Variants in PEX13 observed in about 807,000 individuals in gnomAD.
The protein encoded by PEX13 is peroxisomal biogenesis factor 13.
Under a neutral mutation model 34.5 loss-of-function variants are expected in PEX13, and 28 were observed. That is an observed-to-expected ratio of 0.81 (90% CI 0.60 to 1.11). The LOEUF (loss-of-function observed/expected upper bound fraction) is 1.11, where lower values mean the gene tolerates loss of function less well. Ranked by LOEUF, PEX13 falls within the 50% of genes most tolerant of loss-of-function variation. The pLI is 0.00. For missense variants in PEX13, 550 were observed against 491.0 expected, an observed-to-expected ratio of 1.12 and a Z score of -1.13; for synonymous variants, 177 against 175.1, an observed-to-expected ratio of 1.01 and a Z score of -0.09.
chr2:61,047,926 A>G (rs1680729421), intron 3 of PEX13, among the ~76,000 whole-genome samples: 1 of 152,220 alleles, frequency 6.6e-6, no homozygotes, highest in Admixed American at 6.5e-5. Flanking sequence ...TTTATTTATC[A>G]TATGGCTAGA....
chr2:61,048,354 A>G, intron 3 of PEX13, 118 bp from the exon 4 acceptor site: 1 of 806,774 alleles, frequency 1.2e-6, no homozygotes. Context: ...TGCATGTACT[A>G]TTTGTTATCT....
At chr2:61,040,266 A>C (rs957626277) in intron 2 of PEX13, among the ~76,000 whole-genome samples, 1 of 152,158 alleles carries the variant, frequency 6.6e-6, no homozygotes, top group Non-Finnish European at 1.5e-5. Flanking sequence ...AAATCGTGCT[A>C]CTATAAAGAC....
At chr2:61,036,460 G>A (rs1452521751) in intron 2 of PEX13, among the ~76,000 whole-genome samples, 1 of 152,224 alleles carries the variant, frequency 6.6e-6, no homozygotes, top group Non-Finnish European at 1.5e-5. Flanking sequence ...CCAGAAGACA[G>A]TGGGAGCCAA....
intron 1 of PEX13, among the ~76,000 whole-genome samples, chr2:61,020,199 C>G (rs1485433120): frequency 6.6e-6 from 1 of 152,164 alleles, no homozygotes; most frequent in East Asian, 1.9e-4. Flanking sequence ...GCACTGCAGC[C>G]TGGGCAACAG....
chr2:61,048,562 G>A lies in PEX13; in HGVS notation c.1004G>A (p.Gly335Asp). The change falls in exon 4 of 4, where the codon GGC (glycine) becomes GAC (aspartate). Residue 335 changes from glycine to aspartate, a missense_variant. Coordinates refer to ENST00000295030, the MANE Select transcript of PEX13 (RefSeq NM_002618.4). ...CCTGCGAATTATGTCAAAATTCTTGGCAAAAGAAAAGGTAGGAAAACGGTG... is the reference window on the plus strand; with the variant it reads ...CCTGCGAATTATGTCAAAATTCTTGACAAAAGAAAAGGTAGGAAAACGGTG... ...LIPANYVKIL[G>D]KRKGRKTVES... The A allele has an allele frequency of 6.2e-7, 1 of 1,614,082 alleles. No individual in the cohort carries two copies. Among genetic ancestry groups the A allele is most frequent in the Non-Finnish European group, 8.5e-7 (1 of 1,179,982 alleles).
intron 1 of PEX13, among the ~76,000 whole-genome samples, chr2:61,022,210 G>C (rs987871802): frequency 2.0e-5 from 3 of 152,178 alleles, no homozygotes; most frequent in Admixed American, 1.3e-4. Flanking sequence ...GCTTCAGAAG[G>C]TCGGCAATAA....
chr2:61,019,907 T>G (rs1199893600), intron 1 of PEX13, among the ~76,000 whole-genome samples: 1 of 152,240 alleles, frequency 6.6e-6, no homozygotes, highest in African/African-American at 2.4e-5. Context: ...TAAGTTTTTA[T>G]TCCATGAATA....
At chr2:61,028,420 C>T (rs1484316296) in intron 1 of PEX13, among the ~76,000 whole-genome samples, 4 of 145,208 alleles carry the variant, frequency 2.8e-5, no homozygotes, top group African/African-American at 1.0e-4. Flanking sequence ...AACAGAGTCT[C>T]ACTGTGTCAC....
rs1242626231 is a variant in PEX13 at position 61,048,732 on chromosome 2, G to T, written c.1174G>T (p.Asp392Tyr). The T allele has an allele frequency of 6.2e-7, 1 of 1,613,912 alleles. No individual in the cohort carries two copies. The change falls in exon 4 of 4, where the codon GAT (aspartate) becomes TAT (tyrosine). Residue 392 changes from aspartate (D) to tyrosine (Y), a missense_variant. By Grantham distance (160) the Asp-to-Tyr change is radical. Transcript: ENST00000295030. The stretch of plus-strand genomic sequence containing the variant: ...AACTAATAAGGTTCCAGTTGCACCT[G>T]ATTCCATTGGGAAAGATGGAGAAAA... ...VETNKVPVAP[D>Y]SIGKDGEKQD...
chr2:61,025,658 C>T (rs35156445), intron 1 of PEX13, among the ~76,000 whole-genome samples: 14,818 of 152,094 alleles, frequency 0.097, 1,214 homozygotes, highest in East Asian at 0.42. Context: ...CATGCCCAGC[C>T]AAGCCCGTTT....
At chr2:61,037,292 T>C (rs1680551983) in intron 2 of PEX13, among the ~76,000 whole-genome samples, 1 of 152,206 alleles carries the variant, frequency 6.6e-6, no homozygotes, top group South Asian at 2.1e-4. Flanking sequence ...TACAGAACTC[T>C]ACACCCCAAA....
chr2:61,045,856 T>G lies in PEX13; in HGVS notation c.913+5T>G, dbSNP rs1380556679. On this transcript the variant is annotated splice_donor_5th_base_variant and intron_variant, in intron 3 of 3. Coordinates refer to ENST00000295030, the MANE Select transcript of PEX13 (RefSeq NM_002618.4). ...TGCTGAACTTAGCTCTCAAAGGTAATAAATTATGAATAAGTTGGAATTATC... is the reference window on the plus strand; with the variant it reads ...TGCTGAACTTAGCTCTCAAAGGTAAGAAATTATGAATAAGTTGGAATTATC... 1.2e-5 allele frequency: 20 copies of G among 1,609,318 alleles called. No homozygotes were observed. Among genetic ancestry groups the G allele is most frequent in the Non-Finnish European group, 1.5e-5 (18 of 1,175,662 alleles).
At position 61,031,434 on chromosome 2, in the gene PEX13, T is replaced by A; in HGVS notation, c.108T>A (p.Gly36=). 6.2e-7 allele frequency: 1 copy of A among 1,613,970 alleles called. No individual in the cohort carries two copies. Among genetic ancestry groups the A allele is most frequent in the South Asian group, 1.1e-5 (1 of 91,080 alleles). ...TTGGTTTTAGATCTGCTGATTTGGGTCCTACTTTAATGACAAGACCTGGAC... is the reference window on the plus strand; with the variant it reads ...TTGGTTTTAGATCTGCTGATTTGGGACCTACTTTAATGACAAGACCTGGAC... ...PGPTFQSADL[G]PTLMTRPGQP... is the part of the protein sequence containing the mutation. The change falls in exon 2 of 4, where the codon GGT becomes GGA. Residue 36 remains glycine (G), a synonymous_variant. Coordinates refer to ENST00000295030, the MANE Select transcript of PEX13 (RefSeq NM_002618.4).
At chr2:61,040,428 C>T (rs574300631) in intron 2 of PEX13, among the ~76,000 whole-genome samples, 5 of 152,232 alleles carry the variant, frequency 3.3e-5, no homozygotes, top group African/African-American at 1.2e-4. Flanking sequence ...GAGTTCATGT[C>T]CTTTGCAGGG....
At chr2:61,018,319 T>C in intron 1 of PEX13, 2 of 1,547,262 alleles carry the variant, frequency 1.3e-6, no homozygotes. Flanking sequence ...CAACAGGAAC[T>C]CAAGCCCCGT....
chr2:61,018,024 G>A, intron 1 of PEX13, 173 bp downstream of exon 1: 1 of 1,402,340 alleles, frequency 7.1e-7, no homozygotes. Flanking sequence ...GGACTTTAGT[G>A]TCTCACAGCT....
In PEX13 at chr2:61,033,714, G is replaced by A. The variant is rs1189026479; in HGVS notation, c.787+1601G>A. 6.6e-5 allele frequency among the ~76,000 whole-genome samples: 10 copies of A among 152,278 alleles called. No individual in the cohort carries two copies. In the South Asian group the frequency reaches 8.3e-4, roughly 13 times the overall value. On this transcript the variant is annotated intron_variant, in intron 2 of 3. Transcript: ENST00000295030. Reference sequence around the variant, plus strand: ...AGTCAGGGAACGCCTCCCTGAAGGAGTTAAGGGAGTAAGTCCTACAGCTCT... The same window carrying A: ...AGTCAGGGAACGCCTCCCTGAAGGAATTAAGGGAGTAAGTCCTACAGCTCT...
intron 2 of PEX13, among the ~76,000 whole-genome samples, chr2:61,042,595 G>A (rs1680642559): frequency 6.6e-6 from 1 of 151,990 alleles, no homozygotes; most frequent in South Asian, 2.1e-4. Flanking sequence ...ACTCATCACA[G>A]AAAATCAACA....
chr2:61,031,238 C>T (rs570436032), intron 1 of PEX13, among the ~76,000 whole-genome samples, 181 bp from the exon 2 acceptor site: 1 of 152,254 alleles, frequency 6.6e-6, no homozygotes, highest in Admixed American at 6.5e-5. Flanking sequence ...CTACAGTGAG[C>T]TTTTGATTGT....
Sources: allele counts gnomAD v4.1 joint callset (sites outside exome capture counted in the v4.1 genomes callset), GRCh38; gene constraint gnomAD v4.1.1; transcripts MANE v1.5; gene names NCBI Gene and HGNC (gene_info 2026-07-23, HGNC 2026-07-21).